Variants in ADGRB3 observed in about 807,000 individuals in gnomAD.
ADGRB3 encodes brain-specific angiogenesis inhibitor 3.
Under a neutral mutation model 193.4 loss-of-function variants are expected in ADGRB3, and 37 were observed. That is an observed-to-expected ratio of 0.19 (90% CI 0.15 to 0.25). ADGRB3 has a LOEUF of 0.25. Ranked by LOEUF, ADGRB3 falls within the 10% of genes least tolerant of loss-of-function variation. ADGRB3 has a pLI of 1.00. For missense variants in ADGRB3, 1,637 were observed against 1,852.9 expected, an observed-to-expected ratio of 0.88 and a Z score of 2.14; for synonymous variants, 690 against 644.2, an observed-to-expected ratio of 1.07 and a Z score of -1.08.
chr6:68,717,225 A>G (rs543159045), intron 3 of ADGRB3, among the ~76,000 whole-genome samples: 6 of 151,740 alleles, frequency 4.0e-5, no homozygotes, highest in Non-Finnish European at 8.9e-5. Context: ...TAAGTGTTAA[A>G]CATGCACAGT....
At chr6:69,282,981 A>C (rs973135064) in intron 20 of ADGRB3, among the ~76,000 whole-genome samples, 3 of 152,148 alleles carry the variant, frequency 2.0e-5, no homozygotes, top group African/African-American at 7.2e-5. Flanking sequence ...GACAGGATGG[A>C]TAGAAAATAA....
rs1766373822 is a variant in ADGRB3, at chr6:68,900,789, T to G, written c.758-29770T>G. On this transcript the variant is annotated intron_variant, in intron 3 of 31. Coordinates refer to ENST00000370598, the MANE Select transcript of ADGRB3 (RefSeq NM_001704.3). ...CTAGTCCCCTGGAGCATCAACCAAT[T>G]GAACCATTTCCATCATAGAAGGAAC... 3.3e-5 allele frequency among the ~76,000 whole-genome samples: 5 copies of G among 152,102 alleles called. No homozygotes were observed. In the South Asian group the frequency reaches 1.0e-3, roughly 31 times the overall value.
chr6:68,954,454 C>T (rs1032604924), intron 6 of ADGRB3, among the ~76,000 whole-genome samples: 1 of 151,996 alleles, frequency 6.6e-6, no homozygotes, highest in Non-Finnish European at 1.5e-5. Flanking sequence ...AGAAAACAGC[C>T]ATCTAAGAGT....
chr6:68,750,610 GCTAA>G (rs748771760), intron 3 of ADGRB3, among the ~76,000 whole-genome samples: 1 of 151,868 alleles, frequency 6.6e-6, no homozygotes, highest in Non-Finnish European at 1.5e-5. Flanking sequence ...TCTGCCATTT[GCTAA>G]CTGTTTATTC....
intron 17 of ADGRB3, among the ~76,000 whole-genome samples, chr6:69,163,584 A>G (rs1298907271): frequency 6.6e-6 from 1 of 152,140 alleles, no homozygotes; most frequent in Non-Finnish European, 1.5e-5. Context: ...GATCATAGAT[A>G]TAATAAATTG....
intron 3 of ADGRB3, among the ~76,000 whole-genome samples, chr6:68,879,722 C>G (rs1309903771): frequency 6.6e-6 from 1 of 152,094 alleles, no homozygotes; most frequent in Non-Finnish European, 1.5e-5. Context: ...CTGAGCTTAT[C>G]ATTTTAGGAA....
In ADGRB3 at chr6:69,382,857, T is replaced by C. The variant is rs201129039; in HGVS notation, c.4302T>C (p.His1434=). The C allele has an allele frequency of 3.7e-6, 6 of 1,608,722 alleles. No individual in the cohort carries two copies. In the East Asian group the frequency reaches 1.3e-4, roughly 36 times the overall value. ...AGGTCATGCATACAAGGAAGAGGCA[T>C]ATGGAACTATTTCAAGAACTAAATC... ...FEKVMHTRKR[H]MELFQELNQK... Residue 1434 remains histidine (H), a synonymous_variant, in exon 31 of 32, where the codon CAT becomes CAC. Transcript: ENST00000370598.
At chr6:69,153,789 C>T (rs780571528) in intron 17 of ADGRB3, among the ~76,000 whole-genome samples, 9 of 152,048 alleles carry the variant, frequency 5.9e-5, no homozygotes, top group South Asian at 2.1e-4. Context: ...GTCAGGAGAT[C>T]GAGACCATGC....
chr6:69,328,420 T>C (rs1356813441), intron 22 of ADGRB3, among the ~76,000 whole-genome samples: 3 of 152,162 alleles, frequency 2.0e-5, no homozygotes, highest in Admixed American at 6.5e-5. Flanking sequence ...TGATATCAGC[T>C]TATTTTATAG....
rs768272982 is a variant in ADGRB3 at position 69,062,942 on chromosome 6, C to A, written c.2342C>A (p.Thr781Asn). 48 of 1,607,624 alleles carry A rather than the reference C, an allele frequency of 3.0e-5. No individual in the cohort carries two copies. The highest frequency in any genetic ancestry group is 4.0e-5 in the Non-Finnish European group (47 of 1,175,070). The change falls in exon 16 of 32, where the codon ACT becomes AAT. Residue 781 changes from threonine (T) to asparagine (N), a missense_variant. By Grantham distance (65) the Thr-to-Asn change is moderately conservative (BLOSUM62 0). Coordinates refer to ENST00000370598, the MANE Select transcript of ADGRB3 (RefSeq NM_001704.3). Reference protein sequence around the residue: ...DLILPTLRNYTVINSKIIVVT... With the variant: ...DLILPTLRNYNVINSKIIVVT... ...TAATTACTCTGTTGCAGAAATTATA[C>A]TGTCATTAATTCCAAAATCATCGTG...
chr6:68,728,544 G>T (rs902779918), intron 3 of ADGRB3, among the ~76,000 whole-genome samples: 1 of 151,418 alleles, frequency 6.6e-6, no homozygotes, highest in African/African-American at 2.4e-5. Context: ...TTCTGGCACT[G>T]TTTTCTAGGC....
At chr6:69,120,838 T>TG (rs1178897742) in intron 17 of ADGRB3, among the ~76,000 whole-genome samples, 1 of 152,126 alleles carries the variant, frequency 6.6e-6, no homozygotes, top group Admixed American at 6.5e-5. Flanking sequence ...CAAAGCAGAT[T>TG]GATGGTACTA....
chr6:69,175,651 G>A (rs1775400766), intron 17 of ADGRB3, among the ~76,000 whole-genome samples: 1 of 152,164 alleles, frequency 6.6e-6, no homozygotes, highest in Admixed American at 6.5e-5. Context: ...ATGACTTTTT[G>A]AATATTTTTT....
intron 8 of ADGRB3, among the ~76,000 whole-genome samples, chr6:68,963,531 C>T (rs1278609195): frequency 7.9e-5 from 12 of 152,104 alleles, no homozygotes. Context: ...GTTATCTCAT[C>T]CTACTCATTT....
At chr6:68,925,502 C>A (rs189270987) in intron 3 of ADGRB3, among the ~76,000 whole-genome samples, 4 of 152,080 alleles carry the variant, frequency 2.6e-5, no homozygotes, top group Admixed American at 2.6e-4. Context: ...ATGATGGAAT[C>A]TTTCACCTGT....
chr6:68,917,060 T>C (rs989872991), intron 3 of ADGRB3, among the ~76,000 whole-genome samples: 1 of 152,158 alleles, frequency 6.6e-6, no homozygotes, highest in Non-Finnish European at 1.5e-5. Flanking sequence ...GTCCAAGTGA[T>C]AGAGGCTACT....
At chr6:68,917,510 C>T (rs1766916448) in intron 3 of ADGRB3, among the ~76,000 whole-genome samples, 1 of 152,014 alleles carries the variant, frequency 6.6e-6, no homozygotes, top group African/African-American at 2.4e-5. Flanking sequence ...TTTCTTGTTT[C>T]AAGTTAAAAA....
intron 29 of ADGRB3, among the ~76,000 whole-genome samples, chr6:69,365,652 G>T (rs1769552002): frequency 6.6e-6 from 1 of 151,986 alleles, no homozygotes; most frequent in Non-Finnish European, 1.5e-5. Context: ...TGTTGTTTTA[G>T]CTTGTCTATT....
intron 3 of ADGRB3, among the ~76,000 whole-genome samples, chr6:68,675,182 G>A (rs2127295617): frequency 6.6e-6 from 1 of 152,276 alleles, no homozygotes; most frequent in Non-Finnish European, 1.5e-5. Context: ...GGAGAAGCTG[G>A]AAGTAAGATA....
Sources: allele counts gnomAD v4.1 joint callset (sites outside exome capture counted in the v4.1 genomes callset), GRCh38; gene constraint gnomAD v4.1.1; transcripts MANE v1.5; gene names NCBI Gene and HGNC (gene_info 2026-07-23, HGNC 2026-07-21).